The following BCL2L11 variants were observed in gnomAD, a reference collection of about 807,000 sequenced individuals.
The protein encoded by BCL2L11 is bcl-2-like protein 11.
In BCL2L11, 15 loss-of-function variants were observed where a neutral mutation model predicts 20.6. That is an observed-to-expected ratio of 0.73 (90% CI 0.49 to 1.12). The LOEUF is 1.12. Ranked by LOEUF, BCL2L11 falls within the 50% of genes most tolerant of loss-of-function variation. The probability of loss-of-function intolerance (pLI) is 0.00; values close to 1 mark genes in which losing one functional copy is unlikely to be tolerated. For synonymous variants in BCL2L11, 108 were observed against 92.8 expected, an observed-to-expected ratio of 1.16 and a Z score of -0.94; for missense variants, 292 against 260.9, an observed-to-expected ratio of 1.12 and a Z score of -0.82.
At chr2:111,158,900 G>A (rs552296897) in intron 3 of BCL2L11, among the ~76,000 whole-genome samples, 18 of 152,076 alleles carry the variant, frequency 1.2e-4, no homozygotes, top group East Asian at 1.9e-4. Context: ...ACACATTTGC[G>A]CTTTCTTAAT....
chr2:111,126,175 G>A (rs1395417474), intron 2 of BCL2L11, among the ~76,000 whole-genome samples: 1 of 152,176 alleles, frequency 6.6e-6, no homozygotes, highest in African/African-American at 2.4e-5. Flanking sequence ...ACTGGGAATA[G>A]TGGGTGAGAT....
chr2:111,141,667 AAATAAT>A (rs551292240), intron 2 of BCL2L11, among the ~76,000 whole-genome samples: 6 of 151,266 alleles, frequency 4.0e-5, no homozygotes, highest in East Asian at 1.9e-4. Flanking sequence ...AGTATATAAA[AAATAAT>A]AATAATAATA....
At chr2:111,134,763 A>G (rs976728794) in intron 2 of BCL2L11, among the ~76,000 whole-genome samples, 5 of 152,210 alleles carry the variant, frequency 3.3e-5, no homozygotes, top group Admixed American at 6.5e-5. Flanking sequence ...CCTTCAGTCC[A>G]GAAGGATATC....
At chr2:111,130,860 A>C (rs1370525106) in intron 2 of BCL2L11, among the ~76,000 whole-genome samples, 1 of 152,200 alleles carries the variant, frequency 6.6e-6, no homozygotes, top group Non-Finnish European at 1.5e-5. Flanking sequence ...GTACCAGTTG[A>C]TATGATCCCA....
chr2:111,164,238 C>A lies in BCL2L11; in HGVS notation c.*7C>A. 2 of 1,589,872 alleles carry A rather than the reference C, an allele frequency of 1.3e-6. No individual in the cohort carries two copies. Among genetic ancestry groups the A allele is most frequent in the Non-Finnish European group, 1.7e-6 (2 of 1,157,824 alleles). On this transcript the variant is annotated 3_prime_UTR_variant, in exon 4 of 4. Coordinates refer to ENST00000393256, the MANE Select transcript of BCL2L11 (RefSeq NM_138621.5). ...GGTGTGGAGAATGCATTGACAGGTT[C>A]TTTGCGGAGCCGAGATACCATGCAG... is the stretch of plus-strand genomic sequence containing the variant.
intron 2 of BCL2L11, chr2:111,145,884 A>ACG: frequency 1.2e-6 from 1 of 845,580 alleles, no homozygotes; most frequent in Non-Finnish European, 1.4e-6. Flanking sequence ...CTTATATCTG[A>ACG]CATATTGCAT....
chr2:111,156,198 G>C (rs546479737), intron 3 of BCL2L11, among the ~76,000 whole-genome samples: 2 of 152,196 alleles, frequency 1.3e-5, no homozygotes, highest in Non-Finnish European at 2.9e-5. Context: ...TTCATTAATT[G>C]AATGTTGGAG....
intron 2 of BCL2L11, chr2:111,128,535 G>A: frequency 7.1e-7 from 1 of 1,415,130 alleles, no homozygotes; most frequent in African/African-American, 1.5e-5. Flanking sequence ...TCTCCATAGA[G>A]GCTGTGCCAT....
At chr2:111,133,660 C>G (rs1357414983) in intron 2 of BCL2L11, among the ~76,000 whole-genome samples, 2 of 152,158 alleles carry the variant, frequency 1.3e-5, no homozygotes, top group African/African-American at 2.4e-5. Context: ...GGTGACTGAT[C>G]TATGCTGCTT....
chr2:111,147,934 C>T (rs1195718421), intron 2 of BCL2L11, among the ~76,000 whole-genome samples: 1 of 152,314 alleles, frequency 6.6e-6, no homozygotes, highest in African/African-American at 2.4e-5. Context: ...TCCTTTGTTG[C>T]TATACCCAGA....
At chr2:111,133,566 TA>T (rs1335245877) in intron 2 of BCL2L11, among the ~76,000 whole-genome samples, 1 of 152,210 alleles carries the variant, frequency 6.6e-6, no homozygotes, top group Non-Finnish European at 1.5e-5. Flanking sequence ...CTGATTCTGT[TA>T]TGGTCAGAGA....
chr2:111,151,959 C>T (rs1331545093), intron 3 of BCL2L11: 4 of 1,362,394 alleles, frequency 2.9e-6, no homozygotes, highest in South Asian at 1.3e-5. Context: ...CCTCCAGTTC[C>T]TCTGCCTTGG....
intron 3 of BCL2L11, among the ~76,000 whole-genome samples, chr2:111,155,700 C>T (rs1411770399): frequency 6.6e-6 from 1 of 152,178 alleles, no homozygotes; most frequent in East Asian, 1.9e-4. Flanking sequence ...GTGACCTGGG[C>T]ATGTCCTGGT....
chr2:111,140,391 A>T (rs2075619049), intron 2 of BCL2L11, among the ~76,000 whole-genome samples: 1 of 152,216 alleles, frequency 6.6e-6, no homozygotes, highest in South Asian at 2.1e-4. Context: ...CTGGGTCATA[A>T]CATGCTTCCC....
In BCL2L11 at chr2:111,167,094, A is replaced by G. The variant is rs1372276208; in HGVS notation, c.*2863A>G. ...ATGCTGTAACTTGTAGAAATATTGT[A>G]TATTTATTTTCTGCTTATTTAATGT... is the stretch of plus-strand genomic sequence containing the variant. On this transcript the variant is annotated 3_prime_UTR_variant, in exon 4 of 4. Coordinates refer to ENST00000393256, the MANE Select transcript of BCL2L11 (RefSeq NM_138621.5). 2.6e-5 allele frequency: 4 copies of G among 152,530 alleles called. No individual in the cohort carries two copies. Among genetic ancestry groups the G allele is most frequent in the Non-Finnish European group, 2.9e-5 (2 of 68,018 alleles). 9.4% of individuals were successfully genotyped at this position (152,530 alleles called of 1,614,324 possible).
chr2:111,124,450 C>A (rs1019379887), intron 2 of BCL2L11, among the ~76,000 whole-genome samples: 2 of 151,978 alleles, frequency 1.3e-5, no homozygotes, highest in African/African-American at 4.8e-5. Context: ...GCCACCACGC[C>A]CAGCTAATTT....
intron 1 of BCL2L11, chr2:111,122,555 A>G: frequency 1.0e-6 from 1 of 961,842 alleles, no homozygotes; most frequent in Non-Finnish European, 1.2e-6. Flanking sequence ...GCGCGGACCA[A>G]TTGGGAACGC....
rs538045682 is a variant in BCL2L11, at chr2:111,135,249, T to A, written c.394+11110T>A. On this transcript the variant is annotated intron_variant, in intron 2 of 3. Coordinates refer to ENST00000393256, the MANE Select transcript of BCL2L11 (RefSeq NM_138621.5). ...TTGCCTCATATTCACTGATTGTTTT[T>A]AAAATTATGTTTAATTATATTTTTC... Among the ~76,000 whole-genome samples, 39 of 152,340 alleles carry A rather than the reference T, an allele frequency of 2.6e-4. No individual in the cohort carries two copies. In the South Asian group the frequency reaches 7.1e-3, roughly 28 times the overall value.
At chr2:111,133,915 T>G (rs1395310147) in intron 2 of BCL2L11, among the ~76,000 whole-genome samples, 1 of 152,220 alleles carries the variant, frequency 6.6e-6, no homozygotes, top group African/African-American at 2.4e-5. Context: ...ATTTAAAATG[T>G]CTTCAGGTTG....
Sources: gnomAD v4.1 joint callset for allele counts (sites outside exome capture counted in the v4.1 genomes callset) on GRCh38, gnomAD v4.1.1 for gene constraint, MANE v1.5 for transcripts, NCBI Gene and HGNC (gene_info 2026-07-23, HGNC 2026-07-21) for gene names.